The following KCNIP4 variants were observed in gnomAD, a reference collection of about 807,000 sequenced individuals.
KCNIP4 encodes the protein potassium voltage-gated channel interacting protein 4, also known as Kv channel-interacting protein 4.
In KCNIP4, 12 loss-of-function variants were observed where a neutral mutation model predicts 34.0. The observed-to-expected ratio is 0.35, with a 90% confidence interval of 0.23 to 0.57. The LOEUF (loss-of-function observed/expected upper bound fraction) is 0.57, where lower values mean the gene tolerates loss of function less well. Among genes scored for constraint, KCNIP4 ranks in the 20% least tolerant of loss-of-function variants. KCNIP4 has a pLI of 0.83. For synonymous variants in KCNIP4, 124 were observed against 102.2 expected (o/e 1.21, Z -1.29); for missense variants, 238 against 311.7 (o/e 0.76, Z 1.78).
At chr4:21,379,613 A>G (rs1243714736) in intron 1 of KCNIP4, among the ~76,000 whole-genome samples, 2 of 152,194 alleles carry the variant, frequency 1.3e-5, no homozygotes, top group Admixed American at 6.6e-5. Flanking sequence ...TTATAGTCAC[A>G]GCAGTGACAT....
intron 1 of KCNIP4, among the ~76,000 whole-genome samples, chr4:21,801,293 A>C (rs1181755929): frequency 6.6e-6 from 1 of 152,208 alleles, no homozygotes. Flanking sequence ...AGATTGATAA[A>C]TGTGCTGCAG....
At chr4:20,751,825 G>A (rs559694294) in intron 4 of KCNIP4, among the ~76,000 whole-genome samples, 3 of 152,290 alleles carry the variant, frequency 2.0e-5, no homozygotes, top group African/African-American at 7.2e-5. Flanking sequence ...AGGACATCCT[G>A]TTCTTCTAAA....
At chr4:21,097,918 C>G (rs1221635184) in intron 1 of KCNIP4, among the ~76,000 whole-genome samples, 3 of 152,014 alleles carry the variant, frequency 2.0e-5, no homozygotes, top group Non-Finnish European at 4.4e-5. Flanking sequence ...ACTCTTGGGC[C>G]AAACAGGTAG....
In KCNIP4 at chr4:21,767,103, A is replaced by G. The variant is rs529839061; in HGVS notation, c.61+181468T>C. 2.0e-5 allele frequency among the ~76,000 whole-genome samples: 3 copies of G among 152,274 alleles called. No homozygotes were observed. The South Asian group carries it at 6.2e-4, about 32-fold the overall frequency. On this transcript the variant is annotated intron_variant, in intron 1 of 8. Transcript: ENST00000382152. ...AGCAACATCTGAGAAGAGGTGAGGA[A>G]GAGAACTAGGGAGAAGACTTAATGC...
chr4:21,166,938 C>CAAAA lies in KCNIP4; in HGVS notation c.62-284233_62-284230dup, dbSNP rs55649635. On this transcript the variant is annotated intron_variant, in intron 1 of 8. Transcript: ENST00000382152. ...TGGGGGACAGAGCTACACTCCATCT[C>CAAAA]AAAAAAAAAAAAAAAAAAAAAAAAA... is the stretch of plus-strand genomic sequence containing the variant. 7.5e-4 allele frequency among the ~76,000 whole-genome samples: 28 copies of CAAAA among 37,558 alleles called. 2 individuals carry two copies. Among genetic ancestry groups the CAAAA allele is most frequent in the African/African-American group, 1.8e-3 (17 of 9,320 alleles). The allele number at this position is 37,558 out of a possible 152,430, so 24.6% of individuals were successfully genotyped here. A position where few individuals can be genotyped will look rare whatever the true frequency, so the allele number is the denominator to read the frequency against.
At chr4:20,934,368 T>G (rs1393117078) in intron 1 of KCNIP4, among the ~76,000 whole-genome samples, 1 of 152,198 alleles carries the variant, frequency 6.6e-6, no homozygotes. Flanking sequence ...ATTCTATATC[T>G]ATTATCAATT....
intron 1 of KCNIP4, among the ~76,000 whole-genome samples, chr4:21,186,645 GTTTA>G (rs1294924384): frequency 1.3e-5 from 2 of 151,994 alleles, no homozygotes; most frequent in African/African-American, 2.4e-5. Context: ...CCCTTTTTAA[GTTTA>G]TTTGTTTATT....
rs535924329 is a variant in KCNIP4, at chr4:21,668,371, T to C, written c.61+280200A>G. Among the ~76,000 whole-genome samples, 13 of 152,246 alleles carry C rather than the reference T, an allele frequency of 8.5e-5. No individual in the cohort carries two copies. The South Asian group carries it at 2.7e-3, about 32-fold the overall frequency. Reference sequence around the variant, plus strand: ...TTTTTAGAAGAAAAAAAAACTGCTGTATTAAGGCATAGATAAGAGGGAAAC... The same window carrying C: ...TTTTTAGAAGAAAAAAAAACTGCTGCATTAAGGCATAGATAAGAGGGAAAC... On this transcript the variant is annotated intron_variant, in intron 1 of 8. Transcript: ENST00000382152.
At chr4:21,422,149 G>A (rs539768666) in intron 1 of KCNIP4, among the ~76,000 whole-genome samples, 11 of 151,402 alleles carry the variant, frequency 7.3e-5, no homozygotes, top group East Asian at 5.8e-4. Flanking sequence ...CCAAGATGCC[G>A]AAATTACAGA....
At chr4:21,703,203 G>C (rs1712999968) in intron 1 of KCNIP4, among the ~76,000 whole-genome samples, 2 of 152,072 alleles carry the variant, frequency 1.3e-5, no homozygotes, top group South Asian at 2.1e-4. Flanking sequence ...AGACAAAAAA[G>C]TGCTTCAACC....
At chr4:20,991,446 C>A (rs539213861) in intron 1 of KCNIP4, among the ~76,000 whole-genome samples, 1 of 151,812 alleles carries the variant, frequency 6.6e-6, no homozygotes, top group Non-Finnish European at 1.5e-5. Context: ...AAAGGGAAAG[C>A]GAGAAATGAG....
At chr4:21,221,468 C>T (rs949228044) in intron 1 of KCNIP4, among the ~76,000 whole-genome samples, 2 of 152,082 alleles carry the variant, frequency 1.3e-5, no homozygotes, top group Non-Finnish European at 2.9e-5. Context: ...ACCTTCTTCA[C>T]AAAGCAGTAG....
intron 1 of KCNIP4, among the ~76,000 whole-genome samples, chr4:21,522,943 A>G (rs1462063399): frequency 6.6e-6 from 1 of 152,040 alleles, no homozygotes; most frequent in Non-Finnish European, 1.5e-5. Flanking sequence ...TTGAATACTA[A>G]CATTCAAGCT....
intron 1 of KCNIP4, among the ~76,000 whole-genome samples, chr4:21,720,497 C>G (rs999854387): frequency 1.4e-5 from 2 of 146,854 alleles, no homozygotes; most frequent in African/African-American, 5.0e-5. Context: ...TGACTCGGAG[C>G]TGTTGTTTTT....
intron 3 of KCNIP4, among the ~76,000 whole-genome samples, chr4:20,779,738 TAC>T (rs1317860220): frequency 6.6e-6 from 1 of 151,944 alleles, no homozygotes; most frequent in Non-Finnish European, 1.5e-5. Context: ...GTGACATACA[TAC>T]AGAGGAGGAA....
chr4:21,120,267 C>T (rs558881161), intron 1 of KCNIP4, among the ~76,000 whole-genome samples: 3 of 152,312 alleles, frequency 2.0e-5, no homozygotes, highest in African/African-American at 7.2e-5. Flanking sequence ...GCAAATATCA[C>T]AGACTAGGGG....
At chr4:21,702,069 G>A (rs964527076) in intron 1 of KCNIP4, among the ~76,000 whole-genome samples, 2 of 152,104 alleles carry the variant, frequency 1.3e-5, no homozygotes, top group East Asian at 3.9e-4. Flanking sequence ...AAGGATAATA[G>A]ATATGTTGTT....
chr4:21,395,119 T>C (rs754887133), intron 1 of KCNIP4, among the ~76,000 whole-genome samples: 18 of 152,156 alleles, frequency 1.2e-4, no homozygotes, highest in Non-Finnish European at 2.2e-4. Flanking sequence ...TGAAGAAATT[T>C]GAAATTCGAC....
chr4:21,893,420 G>A (rs1727217382), intron 1 of KCNIP4, among the ~76,000 whole-genome samples: 1 of 152,126 alleles, frequency 6.6e-6, no homozygotes, highest in African/African-American at 2.4e-5. Context: ...CAACGATGAG[G>A]CTTCTTGGAC....
Sources: gnomAD v4.1 joint callset for allele counts (sites outside exome capture counted in the v4.1 genomes callset) on GRCh38, gnomAD v4.1.1 for gene constraint, MANE v1.5 for transcripts, NCBI Gene and HGNC (gene_info 2026-07-23, HGNC 2026-07-21) for gene names.